The following JAKMIP3 variants were observed in gnomAD, a reference collection of about 807,000 sequenced individuals.
The protein encoded by JAKMIP3 is Janus kinase and microtubule interacting protein 3.
A neutral mutation model predicts 118.5 loss-of-function variants in JAKMIP3; 58 were observed. That is an observed-to-expected ratio of 0.49 (90% CI 0.40 to 0.61). The LOEUF (loss-of-function observed/expected upper bound fraction) is 0.61, where lower values mean the gene tolerates loss of function less well. Ranked by LOEUF, JAKMIP3 falls within the 20% of genes least tolerant of loss-of-function variation. The pLI is 0.00. For missense variants in JAKMIP3, 950 were observed against 1,109.0 expected, an observed-to-expected ratio of 0.86 and a Z score of 2.04; for synonymous variants, 486 against 451.2, an observed-to-expected ratio of 1.08 and a Z score of -0.98.
rs971886751 is a variant in JAKMIP3, at chr10:132,179,713, A to G, written c.*1104-2644A>G. Among the ~76,000 whole-genome samples, 2 of 150,344 alleles carry G rather than the reference A, an allele frequency of 1.3e-5. No individual in the cohort carries two copies. Among genetic ancestry groups the G allele is most frequent in the Admixed American group, 6.6e-5 (1 of 15,192 alleles). On this transcript the variant is annotated intron_variant, in intron 23 of 23. Coordinates refer to ENST00000684848, the MANE Select transcript of JAKMIP3 (RefSeq NM_001323087.2). The surrounding 1 kb of genome is among the most constrained non-coding windows in gnomAD (Gnocchi z 4.3). ...CACAGTCACACCACAGCAGGGCCAC[A>G]CCACGGCAGGGTCGCACCACAGCAG...
At chr10:132,098,340 A>G (rs1381924945) in intron 1 of JAKMIP3, among the ~76,000 whole-genome samples, 2 of 152,152 alleles carry the variant, frequency 1.3e-5, no homozygotes, top group Non-Finnish European at 2.9e-5. Flanking sequence ...GCCTTTCAGT[A>G]CAAAGTGAAA....
chr10:132,143,481 G>T (rs577607534), intron 11 of JAKMIP3, among the ~76,000 whole-genome samples: 3 of 152,158 alleles, frequency 2.0e-5, no homozygotes, highest in African/African-American at 4.8e-5. Context: ...ATTTGCTCGG[G>T]GGCCACATGG....
rs115679419 is a variant in JAKMIP3, at chr10:132,045,315, G to T, written c.-138+8577G>T. Among the ~76,000 whole-genome samples, 703 of 152,274 alleles carry T rather than the reference G, an allele frequency of 4.6e-3. 7 individuals are homozygous for T. The highest frequency in any genetic ancestry group is 0.016 in the African/African-American group (673 of 41,544). ...ATGCTTGTTGGCTGCCTGGATGTTG[G>T]CTTCTCCCTTCTTCCTGATGTGATT... On this transcript the variant is annotated intron_variant, in intron 1 of 23. Transcript: ENST00000657785.
intron 1 of JAKMIP3, among the ~76,000 whole-genome samples, chr10:132,097,322 G>T (rs1274088549): frequency 6.6e-6 from 1 of 152,138 alleles, no homozygotes; most frequent in African/African-American, 2.4e-5. Flanking sequence ...CGGCGAGAAG[G>T]GTGAACCGTG....
intron 1 of JAKMIP3, among the ~76,000 whole-genome samples, chr10:132,056,218 G>C (rs74418781): frequency 1.3e-5 from 2 of 152,180 alleles, no homozygotes; most frequent in African/African-American, 2.4e-5. Context: ...TCCACCAACA[G>C]TGAGGGCGCC....
intron 16 of JAKMIP3, 146 bp from the exon 17 acceptor site, chr10:132,152,812 T>C: frequency 3.3e-6 from 2 of 609,470 alleles, no homozygotes; most frequent in Middle Eastern, 3.4e-4. Flanking sequence ...GGGAGGGAGA[T>C]GTCAGTCAAA....
At position 132,121,970 on chromosome 10, in the gene JAKMIP3, C is replaced by G. The variant is rs557007475; in HGVS notation, c.633+4396C>G. Among the ~76,000 whole-genome samples the G allele has an allele frequency of 1.4e-4, 22 of 152,284 alleles. 1 individual carries two copies. In the East Asian group the frequency reaches 4.2e-3, roughly 29 times the overall value. On this transcript the variant is annotated intron_variant, in intron 3 of 23. Transcript: ENST00000684848. ...CATCTTCTCTTCCCAAAATGGACCCCGTGATTCAAGGTTCTGCCTCCCTAA... is the reference window on the plus strand; with the variant it reads ...CATCTTCTCTTCCCAAAATGGACCCGGTGATTCAAGGTTCTGCCTCCCTAA...
At position 132,124,881 on chromosome 10, in the gene JAKMIP3, C is replaced by T. The variant is rs529546667; in HGVS notation, c.633+7307C>T. Among the ~76,000 whole-genome samples, 13 of 152,338 alleles carry T rather than the reference C, an allele frequency of 8.5e-5. No homozygotes were observed. The East Asian group carries it at 9.6e-4, about 11-fold the overall frequency. ...ACATCCTCATCAGTGACAGTATTGC[C>T]ATTTCTTTAGGACAGCGGCAAGAAA... On this transcript the variant is annotated intron_variant, in intron 3 of 23. Coordinates refer to ENST00000684848, the MANE Select transcript of JAKMIP3 (RefSeq NM_001323087.2).
chr10:132,166,948 C>T lies in JAKMIP3; in HGVS notation c.2491-35C>T, dbSNP rs563531228. 21 of 1,418,390 alleles carry T rather than the reference C, an allele frequency of 1.5e-5. No homozygotes were observed. In the African/African-American group the frequency reaches 2.7e-4, roughly 18 times the overall value. 87.9% of individuals were successfully genotyped at this position (1,418,390 alleles called of 1,614,324 possible). A position where few individuals can be genotyped will look rare whatever the true frequency, so the allele number is the denominator to read the frequency against. ...TACAAACTCTTTTTTCTCTTTCTTT[C>T]CTTCCGTTTCTCCATCCTCCCCTTT... is the stretch of plus-strand genomic sequence containing the variant. On this transcript the variant is annotated intron_variant, in intron 21 of 23. Coordinates refer to ENST00000684848, the MANE Select transcript of JAKMIP3 (RefSeq NM_001323087.2).
chr10:132,087,420 G>A (rs1490522815), intron 1 of JAKMIP3, among the ~76,000 whole-genome samples: 1 of 152,092 alleles, frequency 6.6e-6, no homozygotes, highest in Non-Finnish European at 1.5e-5. Flanking sequence ...AGCAAGGCTG[G>A]GGAAGTTTTT....
chr10:132,119,193 CT>C (rs11403839), intron 3 of JAKMIP3, among the ~76,000 whole-genome samples: 6 of 151,152 alleles, frequency 4.0e-5, no homozygotes, highest in South Asian at 2.1e-4. Context: ...TCCGTACAGG[CT>C]TTTTTTTTGC....
chr10:132,040,488 G>A (rs554932027), intron 1 of JAKMIP3, among the ~76,000 whole-genome samples: 2 of 152,124 alleles, frequency 1.3e-5, no homozygotes, highest in Non-Finnish European at 2.9e-5. Context: ...ACAGAGTTTG[G>A]ATCATGCTAT....
chr10:132,067,992 T>C (rs994766514), intron 1 of JAKMIP3, among the ~76,000 whole-genome samples: 1 of 150,690 alleles, frequency 6.6e-6, no homozygotes, highest in African/African-American at 2.5e-5. Context: ...CCGTGTGGAC[T>C]GTGGGCTTCT....
chr10:132,176,575 G>T (rs1205945958), intron 23 of JAKMIP3, among the ~76,000 whole-genome samples: 1 of 152,150 alleles, frequency 6.6e-6, no homozygotes, highest in Admixed American at 6.6e-5. Flanking sequence ...TAGCAGACAC[G>T]TTTCCACAAC....
intron 19 of JAKMIP3, among the ~76,000 whole-genome samples, chr10:132,159,604 CTA>C: frequency 2.3e-5 from 2 of 85,372 alleles, no homozygotes; most frequent in African/African-American, 8.9e-5. Flanking sequence ...GCATGTCTTC[CTA>C]TGTGATGCTG....
chr10:132,083,512 C>T (rs1299444756), intron 1 of JAKMIP3, among the ~76,000 whole-genome samples: 1 of 152,150 alleles, frequency 6.6e-6, no homozygotes, highest in East Asian at 1.9e-4. Context: ...GTTCCTTTTG[C>T]TATGCAAAAG....
intron 20 of JAKMIP3, among the ~76,000 whole-genome samples, 157 bp from the exon 21 acceptor site, chr10:132,164,513 G>A (rs1453312539): frequency 6.6e-6 from 1 of 152,264 alleles, no homozygotes; most frequent in Non-Finnish European, 1.5e-5. Context: ...CCAGAGCAGT[G>A]CAGCAAAGGC....
chr10:132,147,929 C>T (rs766628432), intron 13 of JAKMIP3, 23 bp from the exon 14 acceptor site: 23 of 1,535,586 alleles, frequency 1.5e-5, no homozygotes, highest in South Asian at 5.8e-5. Context: ...GACCCCTCAC[C>T]TCATGCATCT....
intron 1 of JAKMIP3, among the ~76,000 whole-genome samples, chr10:132,097,971 T>TC (rs2044229608): frequency 1.1e-4 from 3 of 26,338 alleles, no homozygotes; most frequent in Non-Finnish European, 2.7e-4. Context: ...CTTTCCTTCC[T>TC]TTTCTCCCCT....
Sources: gnomAD v4.1 joint callset for allele counts (sites outside exome capture counted in the v4.1 genomes callset) on GRCh38, gnomAD v4.1.1 for gene constraint, Gnocchi (gnomAD v3.1) non-coding constraint, MANE v1.5 for transcripts, NCBI Gene and HGNC (gene_info 2026-07-23, HGNC 2026-07-21) for gene names.